The following SNX25 variants were observed in gnomAD, a reference collection of about 807,000 sequenced individuals.
The protein encoded by SNX25 is sorting nexin-25.
Under a neutral mutation model 113.7 loss-of-function variants are expected in SNX25, and 62 were observed. The ratio of observed to expected loss-of-function variants is 0.55; its 90% CI spans 0.44 to 0.67. The LOEUF (loss-of-function observed/expected upper bound fraction) is 0.67, where lower values mean the gene tolerates loss of function less well. Ranked by LOEUF, SNX25 falls within the 30% of genes least tolerant of loss-of-function variation. The pLI, the probability that SNX25 is intolerant of heterozygous loss-of-function variation, is 0.00. For missense variants in SNX25, 1,014 were observed against 1,161.0 expected (o/e 0.87, Z 1.84); for synonymous variants, 421 against 436.2 (o/e 0.97, Z 0.43).
chr4:185,233,509 T>C (rs1579391030), intron 1 of SNX25, among the ~76,000 whole-genome samples: 1 of 152,124 alleles, frequency 6.6e-6, no homozygotes, highest in Non-Finnish European at 1.5e-5. Flanking sequence ...AGTTACAGAA[T>C]TTTTTTATCA....
intron 1 of SNX25, among the ~76,000 whole-genome samples, chr4:185,216,743 A>T (rs150677559): frequency 2.7e-5 from 4 of 150,228 alleles, no homozygotes; most frequent in Admixed American, 6.7e-5. Flanking sequence ...CTGATCTTGA[A>T]CTCCTGACCT....
intron 6 of SNX25, among the ~76,000 whole-genome samples, chr4:185,294,587 G>A (rs1678604863): frequency 1.3e-5 from 2 of 152,130 alleles, no homozygotes; most frequent in Non-Finnish European, 2.9e-5. Flanking sequence ...AACCTGAAGA[G>A]AAATATTTGG....
chr4:185,312,608 C>T (rs575374793), intron 7 of SNX25, among the ~76,000 whole-genome samples: 4 of 152,072 alleles, frequency 2.6e-5, no homozygotes, highest in Admixed American at 2.0e-4. Context: ...CTGCAACCTC[C>T]ACCTCCCGGG....
chr4:185,326,633 C>T (rs1029913231), intron 9 of SNX25, among the ~76,000 whole-genome samples: 5 of 152,172 alleles, frequency 3.3e-5, no homozygotes, highest in Non-Finnish European at 5.9e-5. Context: ...ATACCAGTAA[C>T]TTATTTATAC....
intron 1 of SNX25, among the ~76,000 whole-genome samples, chr4:185,235,209 T>G (rs376291210): frequency 1.6e-4 from 25 of 152,248 alleles, no homozygotes; most frequent in South Asian, 6.2e-4. Flanking sequence ...AAAACATACT[T>G]TGATACATGG....
intron 1 of SNX25, among the ~76,000 whole-genome samples, chr4:185,229,850 C>T (rs1041996287): frequency 1.3e-5 from 2 of 152,074 alleles, no homozygotes; most frequent in African/African-American, 2.4e-5. Context: ...TATTTAGAGA[C>T]AGGGTCTCAC....
chr4:185,216,639 C>G (rs540131935), intron 1 of SNX25, among the ~76,000 whole-genome samples: 1 of 151,460 alleles, frequency 6.6e-6, no homozygotes, highest in South Asian at 2.1e-4. Context: ...CCTGCCTCAG[C>G]CTCCCGAGTC....
chr4:185,251,247 G>A (rs183359920), intron 2 of SNX25, among the ~76,000 whole-genome samples: 2 of 152,040 alleles, frequency 1.3e-5, no homozygotes, highest in African/African-American at 2.4e-5. Context: ...CGCTTGCCTC[G>A]GCCTCTCAAA....
At chr4:185,229,143 C>T (rs1400449542) in intron 1 of SNX25, among the ~76,000 whole-genome samples, 1 of 145,792 alleles carries the variant, frequency 6.9e-6, no homozygotes, top group Non-Finnish European at 1.5e-5. Flanking sequence ...CACTAACACT[C>T]CTGGAGTGAA....
At chr4:185,342,447 G>A (rs891305364) in intron 12 of SNX25, among the ~76,000 whole-genome samples, 1 of 152,248 alleles carries the variant, frequency 6.6e-6, no homozygotes. Context: ...TGCAGCAGTA[G>A]AAAGAATGAG....
At chr4:185,349,928 G>A (rs2095306994) in intron 13 of SNX25, among the ~76,000 whole-genome samples, 1 of 152,228 alleles carries the variant, frequency 6.6e-6, no homozygotes, top group Non-Finnish European at 1.5e-5. Context: ...CAAGATGGGG[G>A]AGAACATCTC....
At chr4:185,339,330 CAT>C (rs1435445181) in intron 10 of SNX25, 47 bp from the exon 11 acceptor site, 6 of 1,572,414 alleles carry the variant, frequency 3.8e-6, no homozygotes, top group Non-Finnish European at 5.2e-6. Context: ...TGCTGAATTG[CAT>C]AGTTTTAAGT....
In SNX25 at chr4:185,273,236, C is replaced by T. The variant is rs143961784; in HGVS notation, c.1091+6081C>T. ...TTTTCCCCAGATTGATTGAGATACA[C>T]GTGACCAATAAAAATTCTGTATATT... On this transcript the variant is annotated intron_variant, in intron 5 of 18. Transcript: ENST00000652585. Among the ~76,000 whole-genome samples the T allele has an allele frequency of 4.0e-3, 616 of 152,304 alleles. 12 individuals are homozygous for T. Among genetic ancestry groups the T allele is most frequent in the Admixed American group, 0.032 (494 of 15,304 alleles).
intron 2 of SNX25, among the ~76,000 whole-genome samples, chr4:185,250,218 A>C (rs1356615243): frequency 1.3e-5 from 2 of 152,064 alleles, no homozygotes; most frequent in Admixed American, 1.3e-4. Flanking sequence ...CATAGACTTA[A>C]CTCCTCTGGT....
intron 1 of SNX25, among the ~76,000 whole-genome samples, chr4:185,230,478 C>T (rs1299698226): frequency 2.0e-5 from 3 of 151,750 alleles, no homozygotes; most frequent in Admixed American, 6.6e-5. Flanking sequence ...ACGCAACATC[C>T]GCCTCCCAGG....
chr4:185,352,829 C>A (rs80096468), intron 14 of SNX25, among the ~76,000 whole-genome samples: 5,967 of 152,294 alleles, frequency 0.039, 317 homozygotes, highest in African/African-American at 0.12. Flanking sequence ...CCATCCTCAG[C>A]TGCCCTCCAG....
At chr4:185,245,035 G>T (rs945636956) in intron 1 of SNX25, among the ~76,000 whole-genome samples, 1 of 152,018 alleles carries the variant, frequency 6.6e-6, no homozygotes, top group African/African-American at 2.4e-5. Context: ...GAACGAAGTG[G>T]TTCTCCACAC....
At chr4:185,216,517 T>G (rs1489512205) in intron 1 of SNX25, among the ~76,000 whole-genome samples, 4 of 144,914 alleles carry the variant, frequency 2.8e-5, no homozygotes, top group Non-Finnish European at 4.5e-5. Context: ...TATTTGGTTT[T>G]TTTTTTTTTT....
At chr4:185,279,565 C>T (rs1175852594) in intron 5 of SNX25, among the ~76,000 whole-genome samples, 1 of 152,184 alleles carries the variant, frequency 6.6e-6, no homozygotes, top group Non-Finnish European at 1.5e-5. Flanking sequence ...GGACATACCT[C>T]ATGAAAATAT....
Sources: allele counts gnomAD v4.1 joint callset (sites outside exome capture counted in the v4.1 genomes callset), GRCh38; gene constraint gnomAD v4.1.1; transcripts MANE v1.5; gene names NCBI Gene and HGNC (gene_info 2026-07-23, HGNC 2026-07-21).